Variants in CDYL2 observed in about 807,000 individuals in gnomAD.
The protein encoded by CDYL2 is chromodomain Y like 2, also known as chromodomain Y-like protein 2.
A neutral mutation model predicts 49.4 loss-of-function variants in CDYL2; 23 were observed. That is an observed-to-expected ratio of 0.47 (90% CI 0.34 to 0.66). The LOEUF is 0.66. CDYL2 is among the 30% of genes least tolerant of loss of function. The pLI is 0.01. For synonymous variants in CDYL2, 360 were observed against 268.8 expected, an observed-to-expected ratio of 1.34 and a Z score of -3.32; for missense variants, 678 against 656.4, an observed-to-expected ratio of 1.03 and a Z score of -0.36.
intron 1 of CDYL2, among the ~76,000 whole-genome samples, chr16:80,773,025 G>C (rs1359640152): frequency 2.0e-5 from 3 of 151,978 alleles, no homozygotes; most frequent in East Asian, 1.9e-4. Context: ...TTATCAGATA[G>C]AATTTTTTAA....
At chr16:80,801,402 T>A (rs1213032707) in intron 1 of CDYL2, among the ~76,000 whole-genome samples, 1 of 152,242 alleles carries the variant, frequency 6.6e-6, no homozygotes, top group Non-Finnish European at 1.5e-5. Flanking sequence ...CACCTATTCC[T>A]AACAACTGCT....
At chr16:80,724,275 G>C (rs989835276) in intron 1 of CDYL2, among the ~76,000 whole-genome samples, 5 of 150,804 alleles carry the variant, frequency 3.3e-5, no homozygotes, top group African/African-American at 1.2e-4. Flanking sequence ...AGAGGAGGAG[G>C]AGAAAGGAAG....
chr16:80,627,260 T>C (rs544154736), intron 3 of CDYL2, among the ~76,000 whole-genome samples: 15 of 151,996 alleles, frequency 9.9e-5, no homozygotes, highest in Non-Finnish European at 1.9e-4. Context: ...TACTCTCACC[T>C]ATACATGAAC....
chr16:80,707,511 A>G (rs936701654), intron 1 of CDYL2, among the ~76,000 whole-genome samples: 1 of 152,144 alleles, frequency 6.6e-6, no homozygotes, highest in Non-Finnish European at 1.5e-5. Flanking sequence ...GAACAAGACC[A>G]TCCTTGTTCA....
intron 1 of CDYL2, among the ~76,000 whole-genome samples, chr16:80,728,977 G>C (rs941398831): frequency 9.9e-5 from 15 of 151,756 alleles, no homozygotes; most frequent in African/African-American, 2.7e-4. Context: ...GGAACAACCG[G>C]TACCAGCCAC....
chr16:80,746,162 C>T (rs766912090), intron 1 of CDYL2, among the ~76,000 whole-genome samples: 4 of 152,116 alleles, frequency 2.6e-5, no homozygotes, highest in Non-Finnish European at 4.4e-5. Flanking sequence ...CTGGGCTGTA[C>T]CTGCGTGAAA....
At chr16:80,737,257 G>A (rs567540719) in intron 1 of CDYL2, among the ~76,000 whole-genome samples, 2 of 152,270 alleles carry the variant, frequency 1.3e-5, no homozygotes, top group South Asian at 4.1e-4. Context: ...CTTTTGCAGA[G>A]GATGGATTTG....
Position 80,783,963 on chromosome 16 carries a change from G to A in CDYL2, c.24+20187C>T, listed in dbSNP as rs565512629. Among the ~76,000 whole-genome samples, 5 of 152,318 alleles carry A rather than the reference G, an allele frequency of 3.3e-5. No homozygotes were observed. The East Asian group carries it at 9.6e-4, about 29-fold the overall frequency. ...TACATAAAAAATGAACATTGAAAATGTTCTGGAACTAGACAACATTGTGAA... is the reference window on the plus strand; with the variant it reads ...TACATAAAAAATGAACATTGAAAATATTCTGGAACTAGACAACATTGTGAA... On this transcript the variant is annotated intron_variant, in intron 1 of 6. Transcript: ENST00000570137.
chr16:80,658,430 C>T (rs56969697), intron 2 of CDYL2, among the ~76,000 whole-genome samples: 3,977 of 152,148 alleles, frequency 0.026, 143 homozygotes, highest in African/African-American at 0.071. Context: ...TATGAATATA[C>T]AACAGATAAA....
rs1906129639 is a variant in CDYL2, at chr16:80,602,362, C to T, written c.*2026G>A. ...CTCCTCTGGCTGAAGGAGAGGTTTC[C>T]CCTCCTTCCTGACCCTCATGAACTC... is the stretch of plus-strand genomic sequence containing the variant. On this transcript the variant is annotated 3_prime_UTR_variant, in exon 7 of 7. Transcript: ENST00000570137. 1 of 152,128 alleles carries T rather than the reference C, an allele frequency of 6.6e-6. No individual in the cohort carries two copies. The highest frequency in any genetic ancestry group is 2.1e-4 in the South Asian group (1 of 4,824). The allele number at this position is 152,128 out of a possible 1,614,324, so 9.4% of individuals were successfully genotyped here.
In CDYL2 at chr16:80,608,100, T is replaced by C; in HGVS notation, c.1354A>G (p.Ser452Gly). The C allele has an allele frequency of 6.3e-7, 1 of 1,587,562 alleles. No individual in the cohort carries two copies. Among genetic ancestry groups the C allele is most frequent in the Non-Finnish European group, 8.6e-7 (1 of 1,166,228 alleles). ...MLRVKEMASC[S>G]AVVLEESKCL... is the part of the protein sequence containing the mutation. ...GAGGCGCAGGAACTCACCACGGCACTGCAGGATGCCATCTCCTTGACCCGC... is the reference window on the plus strand; with the variant it reads ...GAGGCGCAGGAACTCACCACGGCACCGCAGGATGCCATCTCCTTGACCCGC... The change falls in exon 6 of 7, where the codon AGT becomes GGT. Residue 452 changes from serine (S) to glycine (G), a missense_variant. Coordinates refer to ENST00000570137, the MANE Select transcript of CDYL2 (RefSeq NM_152342.4).
At chr16:80,629,957 TA>T (rs1280909708) in intron 3 of CDYL2, among the ~76,000 whole-genome samples, 3 of 152,146 alleles carry the variant, frequency 2.0e-5, no homozygotes, top group Non-Finnish European at 2.9e-5. Context: ...GCCAGCAAAA[TA>T]CTGTAAAATT....
intron 1 of CDYL2, among the ~76,000 whole-genome samples, chr16:80,730,350 A>G (rs1181298299): frequency 6.6e-6 from 1 of 151,998 alleles, no homozygotes; most frequent in Non-Finnish European, 1.5e-5. Context: ...TAGAAAATCT[A>G]GAAGAAATGG....
chr16:80,693,615 A>G (rs1230161351), intron 1 of CDYL2, among the ~76,000 whole-genome samples: 1 of 152,228 alleles, frequency 6.6e-6, no homozygotes, highest in East Asian at 1.9e-4. Flanking sequence ...AAAAGGAACA[A>G]ACTATTACTT....
chr16:80,805,023 G>T (rs901584906), upstream of CDYL2, among the ~76,000 whole-genome samples: 1 of 152,164 alleles, frequency 6.6e-6, no homozygotes, highest in Non-Finnish European at 1.5e-5. Flanking sequence ...GGATGAAATG[G>T]CCCATCCAGA....
intron 6 of CDYL2, 74 bp from the exon 7 acceptor site, chr16:80,604,620 G>T: frequency 6.6e-7 from 1 of 1,521,626 alleles, no homozygotes. Flanking sequence ...CTGGCCCATG[G>T]GGCACTGGCC....
chr16:80,654,169 C>G (rs1908707309), intron 2 of CDYL2, among the ~76,000 whole-genome samples: 1 of 152,148 alleles, frequency 6.6e-6, no homozygotes, highest in African/African-American at 2.4e-5. Context: ...ACCATGTGCT[C>G]AGCGCTCTGC....
At chr16:80,780,695 C>T (rs147506612) in intron 1 of CDYL2, among the ~76,000 whole-genome samples, 101 of 152,180 alleles carry the variant, frequency 6.6e-4, no homozygotes, top group African/African-American at 2.1e-3. Context: ...TGAGCCACCG[C>T]GCCCGGCCCA....
At chr16:80,756,021 A>T (rs1906298548) in intron 1 of CDYL2, among the ~76,000 whole-genome samples, 1 of 152,212 alleles carries the variant, frequency 6.6e-6, no homozygotes, top group African/African-American at 2.4e-5. Context: ...GTTAGAAAAT[A>T]GCAATAATGA....
Sources: gnomAD v4.1 joint callset for allele counts (sites outside exome capture counted in the v4.1 genomes callset) on GRCh38, gnomAD v4.1.1 for gene constraint, MANE v1.5 for transcripts, NCBI Gene and HGNC (gene_info 2026-07-23, HGNC 2026-07-21) for gene names.